CNTNAP4: variants seen among roughly 807,000 people sequenced by gnomAD.
CNTNAP4 encodes contactin associated protein family member 4.
CNTNAP4 carries 98 observed loss-of-function variants against 148.4 expected under a neutral mutation model. The observed-to-expected ratio is 0.66, with a 90% CI of 0.56 to 0.78. CNTNAP4 has a LOEUF of 0.78. Ranked by LOEUF, CNTNAP4 falls within the 30% of genes least tolerant of loss-of-function variation. CNTNAP4 has a pLI of 0.00. For synonymous variants in CNTNAP4, 730 were observed against 565.1 expected (o/e 1.29, Z -4.14); for missense variants, 1,935 against 1,565.6 (o/e 1.24, Z -3.98).
chr16:76,543,289 T>C (rs1841094803), intron 21 of CNTNAP4, among the ~76,000 whole-genome samples: 1 of 152,212 alleles, frequency 6.6e-6, no homozygotes. Context: ...AAATTTTGTG[T>C]GGTATATGAA....
intron 1 of CNTNAP4, among the ~76,000 whole-genome samples, chr16:76,315,839 C>T (rs992910410): frequency 4.6e-5 from 7 of 152,036 alleles, no homozygotes; most frequent in Admixed American, 1.3e-4. Flanking sequence ...CAGTAATGCA[C>T]CTGCCTCAGC....
chr16:76,500,166 G>A (rs2082571479), intron 15 of CNTNAP4, among the ~76,000 whole-genome samples: 1 of 152,106 alleles, frequency 6.6e-6, no homozygotes, highest in Non-Finnish European at 1.5e-5. Context: ...TCCCAGACGG[G>A]GTGGCAGCTG....
At chr16:76,524,181 A>G (rs2083610265) in intron 17 of CNTNAP4, among the ~76,000 whole-genome samples, 2 of 152,310 alleles carry the variant, frequency 1.3e-5, no homozygotes, top group Admixed American at 6.5e-5. Context: ...AATAGCTTCT[A>G]TGAGTAAGGC....
Position 76,558,656 on chromosome 16 carries a change from T to C in CNTNAP4, c.3900T>C (p.Asn1300=), listed in dbSNP as rs2085295339. The change falls in exon 24 of 24, where the codon AAT becomes AAC. Residue 1300 remains asparagine (N), a synonymous_variant. Transcript: ENST00000611870. ...KSELNIQNAV[N]ENQKEYFF Reference sequence around the variant, plus strand: ...AGCTTAATATACAAAATGCAGTCAATGAAAATCAGAAAGAGTACTTCTTCT... The same window carrying C: ...AGCTTAATATACAAAATGCAGTCAACGAAAATCAGAAAGAGTACTTCTTCT... 1 of 1,609,788 alleles carries C rather than the reference T, an allele frequency of 6.2e-7. No individual in the cohort carries two copies. The highest frequency in any genetic ancestry group is 1.7e-5 in the Admixed American group (1 of 59,126).
intron 3 of CNTNAP4, among the ~76,000 whole-genome samples, chr16:76,415,599 A>G (rs1292581000): frequency 1.3e-5 from 2 of 150,872 alleles, no homozygotes; most frequent in African/African-American, 2.4e-5. Flanking sequence ...GCACCCAAAT[A>G]AAGTGCAGAA....
intron 12 of CNTNAP4, among the ~76,000 whole-genome samples, chr16:76,480,825 C>T (rs12445763): frequency 6.6e-6 from 1 of 152,094 alleles, no homozygotes; most frequent in African/African-American, 2.4e-5. Context: ...TCCGTGCAAA[C>T]CTAAATTAAA....
chr16:76,464,801 C>G (rs1395619290), intron 9 of CNTNAP4, among the ~76,000 whole-genome samples: 3 of 152,202 alleles, frequency 2.0e-5, no homozygotes, highest in Non-Finnish European at 4.4e-5. Context: ...ACTTTTTACT[C>G]TGTAGCTTTT....
At chr16:76,308,568 A>G (rs1960748174) in intron 1 of CNTNAP4, among the ~76,000 whole-genome samples, 1 of 152,156 alleles carries the variant, frequency 6.6e-6, no homozygotes, top group Admixed American at 6.6e-5. Context: ...GTGTTCCTTC[A>G]CAGTCCCGTG....
In CNTNAP4 at chr16:76,460,773, AAT is replaced by A. The variant is rs150425968; in HGVS notation, c.1334-1162_1334-1161del. On this transcript the variant is annotated intron_variant, in intron 8 of 23. Coordinates refer to ENST00000611870, the MANE Select transcript of CNTNAP4 (RefSeq NM_033401.5). ...TGTCTCAAAAAAAAAAAAAAAAAAA[AAT>A]ATATATATATATATATATATTTAGA... is the stretch of plus-strand genomic sequence containing the variant. Among the ~76,000 whole-genome samples, 180 of 57,322 alleles carry A rather than the reference AAT, an allele frequency of 3.1e-3. 11 individuals are homozygous for A. The Middle Eastern group carries it at 0.056, about 18-fold the overall frequency. 37.6% of individuals were successfully genotyped at this position (57,322 alleles called of 152,430 possible). A position where few individuals can be genotyped will look rare whatever the true frequency, so the allele number is the denominator to read the frequency against.
At chr16:76,318,227 G>T (rs1962015189) in intron 2 of CNTNAP4, among the ~76,000 whole-genome samples, 1 of 152,156 alleles carries the variant, frequency 6.6e-6, no homozygotes, top group South Asian at 2.1e-4. Flanking sequence ...CTTCATTTGA[G>T]TCATAAAAGC....
intron 4 of CNTNAP4, among the ~76,000 whole-genome samples, chr16:76,436,517 G>A (rs566675513): frequency 6.6e-6 from 1 of 151,974 alleles, no homozygotes; most frequent in Non-Finnish European, 1.5e-5. Flanking sequence ...ACTCTGACTC[G>A]GGTCAGTCTT....
chr16:76,328,269 A>C (rs1349358209), intron 2 of CNTNAP4, among the ~76,000 whole-genome samples: 3 of 152,192 alleles, frequency 2.0e-5, no homozygotes, highest in African/African-American at 4.8e-5. Flanking sequence ...TGATGCAGTG[A>C]AAATGGCATT....
chr16:76,480,454 A>T (rs796854551), intron 12 of CNTNAP4, among the ~76,000 whole-genome samples: 1 of 152,202 alleles, frequency 6.6e-6, no homozygotes, highest in African/African-American at 2.4e-5. Flanking sequence ...TCCTAAATAA[A>T]TGGAGAAATA....
chr16:76,517,878 G>A (rs1182305508), intron 15 of CNTNAP4, among the ~76,000 whole-genome samples: 4 of 151,894 alleles, frequency 2.6e-5, no homozygotes, highest in African/African-American at 9.6e-5. Context: ...GTCTCCATAA[G>A]CCTGTTTTTT....
intron 3 of CNTNAP4, among the ~76,000 whole-genome samples, chr16:76,382,676 CA>C (rs879731121): frequency 3.3e-4 from 50 of 151,970 alleles, no homozygotes; most frequent in Non-Finnish European, 6.3e-4. Context: ...TTTGGTTTAT[CA>C]AAAAACCATG....
chr16:76,335,071 C>T (rs1054562436), intron 2 of CNTNAP4, among the ~76,000 whole-genome samples: 6 of 151,928 alleles, frequency 3.9e-5, no homozygotes, highest in South Asian at 4.2e-4. Context: ...AGTTGGGAGA[C>T]GGTTATCAAA....
intron 21 of CNTNAP4, among the ~76,000 whole-genome samples, chr16:76,545,566 C>T (rs1045322833): frequency 7.1e-6 from 1 of 141,112 alleles, no homozygotes; most frequent in Middle Eastern, 3.4e-3. Flanking sequence ...CATAATAACA[C>T]ATAGAGCTCT....
chr16:76,498,512 G>A (rs2082487664), intron 14 of CNTNAP4, 55 bp from the exon 15 acceptor site: 39 of 1,522,986 alleles, frequency 2.6e-5, no homozygotes, highest in Non-Finnish European at 3.5e-5. Flanking sequence ...GTTTTGCAAT[G>A]CAATAAGGAC....
intron 1 of CNTNAP4, among the ~76,000 whole-genome samples, chr16:76,289,414 A>G (rs772028864): frequency 9.2e-5 from 14 of 152,106 alleles, no homozygotes; most frequent in Non-Finnish European, 1.6e-4. Context: ...AATAAAATTC[A>G]TTCTCTATTT....
Sources: gnomAD v4.1 joint callset for allele counts (sites outside exome capture counted in the v4.1 genomes callset) on GRCh38, gnomAD v4.1.1 for gene constraint, MANE v1.5 for transcripts, NCBI Gene and HGNC (gene_info 2026-07-23, HGNC 2026-07-21) for gene names.